Variants in LRRTM4 observed in about 807,000 individuals in gnomAD.
LRRTM4 encodes leucine-rich repeat transmembrane neuronal protein 4.
LRRTM4 carries 25 observed loss-of-function variants against 47.6 expected under a neutral mutation model. That is an observed-to-expected ratio of 0.53 (90% CI 0.38 to 0.73). The LOEUF (loss-of-function observed/expected upper bound fraction) is 0.73, where lower values mean the gene tolerates loss of function less well. LRRTM4 is among the 30% of genes least tolerant of loss of function. The probability of loss-of-function intolerance (pLI) is 0.00; values close to 1 mark genes in which losing one functional copy is unlikely to be tolerated. For synonymous variants in LRRTM4, 311 were observed against 269.5 expected (o/e 1.15, Z -1.51); for missense variants, 638 against 713.4 (o/e 0.89, Z 1.20).
rs541245997 is a variant in LRRTM4 at position 76,909,583 on chromosome 2, G to A, written c.1552-160667C>T. Among the ~76,000 whole-genome samples the A allele has an allele frequency of 3.0e-3, 458 of 151,952 alleles. 3 individuals are homozygous for A. The highest frequency in any genetic ancestry group is 9.5e-3 in the African/African-American group (392 of 41,364). On this transcript the variant is annotated intron_variant, in intron 3 of 3. Transcript: ENST00000409884. ...ACCTACAAAATGGGAGAAAATTTTC[G>A]CAACCTACTCATTTGACAAAGGGCT... is the stretch of plus-strand genomic sequence containing the variant.
intron 3 of LRRTM4, among the ~76,000 whole-genome samples, chr2:76,768,009 A>G (rs537576739): frequency 6.6e-6 from 1 of 152,218 alleles, no homozygotes; most frequent in African/African-American, 2.4e-5. Flanking sequence ...AAATGACAAT[A>G]TAAGCCAATT....
At chr2:77,387,455 C>T (rs1457854610) in intron 3 of LRRTM4, among the ~76,000 whole-genome samples, 1 of 152,132 alleles carries the variant, frequency 6.6e-6, no homozygotes, top group African/African-American at 2.4e-5. Flanking sequence ...GGTTTGCTAG[C>T]AGCCCTCTTT....
chr2:77,170,844 A>C (rs80293139), intron 3 of LRRTM4, among the ~76,000 whole-genome samples: 1 of 150,930 alleles, frequency 6.6e-6, no homozygotes, highest in South Asian at 2.1e-4. Flanking sequence ...AAAACCTTAT[A>C]TATATATATA....
At chr2:76,816,851 T>G (rs1407325309) in intron 3 of LRRTM4, among the ~76,000 whole-genome samples, 4 of 127,184 alleles carry the variant, frequency 3.1e-5, no homozygotes, top group Middle Eastern at 3.9e-3. Flanking sequence ...TTTTTTTTTT[T>G]TTTTTTTTTT....
At chr2:77,296,399 T>A (rs149114311) in intron 3 of LRRTM4, among the ~76,000 whole-genome samples, 15 of 152,312 alleles carry the variant, frequency 9.8e-5, no homozygotes, top group African/African-American at 3.1e-4. Flanking sequence ...GCCTATTTAT[T>A]CAGTAACAGT....
At chr2:76,986,608 G>T (rs1439780620) in intron 3 of LRRTM4, among the ~76,000 whole-genome samples, 1 of 151,914 alleles carries the variant, frequency 6.6e-6, no homozygotes, top group East Asian at 1.9e-4. Context: ...AATCTCAGAA[G>T]TTGAACATAA....
intron 3 of LRRTM4, among the ~76,000 whole-genome samples, chr2:77,501,489 CAAT>C (rs1459289970): frequency 6.7e-6 from 1 of 149,682 alleles, no homozygotes; most frequent in African/African-American, 2.4e-5. Context: ...AAATGTTTGA[CAAT>C]AAAAAGTTAG....
intron 3 of LRRTM4, among the ~76,000 whole-genome samples, chr2:77,358,463 G>A (rs1672054165): frequency 6.6e-6 from 1 of 152,108 alleles, no homozygotes; most frequent in Non-Finnish European, 1.5e-5. Context: ...CACTCATAAG[G>A]AATCCAGCCC....
chr2:77,188,527 G>A (rs953836756), intron 3 of LRRTM4, among the ~76,000 whole-genome samples: 1 of 152,030 alleles, frequency 6.6e-6, no homozygotes, highest in African/African-American at 2.4e-5. Flanking sequence ...TTCTGTTGCA[G>A]CCGACATTTC....
At chr2:76,852,271 G>A (rs959806597) in intron 3 of LRRTM4, among the ~76,000 whole-genome samples, 2 of 152,240 alleles carry the variant, frequency 1.3e-5, no homozygotes, top group African/African-American at 4.8e-5. Context: ...AGCATAAACT[G>A]AAGGTATCAT....
At chr2:76,805,914 ATCTT>A (rs1675940875) in intron 3 of LRRTM4, among the ~76,000 whole-genome samples, 1 of 152,002 alleles carries the variant, frequency 6.6e-6, no homozygotes, top group South Asian at 2.1e-4. Context: ...GCTCTAATAA[ATCTT>A]TCTCTATCTC....
intron 3 of LRRTM4, among the ~76,000 whole-genome samples, chr2:77,351,614 T>TATATATATATATATATA (rs759991486): frequency 7.4e-6 from 1 of 135,400 alleles, no homozygotes; most frequent in African/African-American, 2.8e-5. Flanking sequence ...CATGACAAAT[T>TATATATATATATATATA]TATATATATA....
At chr2:77,175,249 G>C (rs1673162243) in intron 3 of LRRTM4, among the ~76,000 whole-genome samples, 1 of 151,666 alleles carries the variant, frequency 6.6e-6, no homozygotes, top group Non-Finnish European at 1.5e-5. Flanking sequence ...CTGAGTCTCG[G>C]GAGAAGCTGA....
intron 3 of LRRTM4, among the ~76,000 whole-genome samples, chr2:77,456,074 A>G (rs1019312182): frequency 6.6e-6 from 1 of 152,140 alleles, no homozygotes; most frequent in African/African-American, 2.4e-5. Flanking sequence ...GAGCTCTTTC[A>G]TCAAAATTCC....
intron 3 of LRRTM4, among the ~76,000 whole-genome samples, chr2:76,774,954 C>A (rs940378254): frequency 3.9e-5 from 6 of 152,142 alleles, no homozygotes; most frequent in African/African-American, 1.2e-4. Context: ...TGTCTTCTTC[C>A]GTAGCAGGTA....
rs373833844 is a variant in LRRTM4, at chr2:76,845,709, A to T, written c.1552-96793T>A. On this transcript the variant is annotated intron_variant, in intron 3 of 3. Transcript: ENST00000409884. ...TTTTTCAGTCTTTTTTAACTCAAAA[A>T]TAAAATGGCTATTTATAAATGTGTC... Among the ~76,000 whole-genome samples the T allele has an allele frequency of 3.9e-5, 6 of 152,346 alleles. No individual in the cohort carries two copies. In the East Asian group the frequency reaches 1.2e-3, roughly 29 times the overall value.
At chr2:77,190,159 A>C (rs561112865) in intron 3 of LRRTM4, among the ~76,000 whole-genome samples, 2 of 152,152 alleles carry the variant, frequency 1.3e-5, no homozygotes, top group African/African-American at 4.8e-5. Context: ...TCAATCATTC[A>C]ATAAGATTTT....
rs181757653 is a variant in LRRTM4, at chr2:76,769,357, A to T, written c.1552-20441T>A. Reference sequence around the variant, plus strand: ...ATGTCCTGATAAATAAAATGAAGAAATTAATTTGGAAGATATTTAAGGCCT... The same window carrying T: ...ATGTCCTGATAAATAAAATGAAGAATTTAATTTGGAAGATATTTAAGGCCT... On this transcript the variant is annotated intron_variant, in intron 3 of 3. Transcript: ENST00000409884. 2.6e-5 allele frequency among the ~76,000 whole-genome samples: 4 copies of T among 152,262 alleles called. No individual in the cohort carries two copies. The East Asian group carries it at 5.8e-4, about 22-fold the overall frequency.
At chr2:77,509,405 A>C (rs993810213) in intron 3 of LRRTM4, among the ~76,000 whole-genome samples, 2 of 152,144 alleles carry the variant, frequency 1.3e-5, no homozygotes, top group African/African-American at 4.8e-5. Context: ...TGCAAGGTGA[A>C]TAAAATGTTC....
Sources: gnomAD v4.1 joint callset for allele counts (sites outside exome capture counted in the v4.1 genomes callset) on GRCh38, gnomAD v4.1.1 for gene constraint, MANE v1.5 for transcripts, NCBI Gene and HGNC (gene_info 2026-07-23, HGNC 2026-07-21) for gene names.